GABBR2: variants seen among roughly 807,000 people sequenced by gnomAD.
The protein encoded by GABBR2 is G-protein coupled receptor 51.
In GABBR2, 23 loss-of-function variants were observed where a neutral mutation model predicts 105.6. That is an observed-to-expected ratio of 0.22 (90% confidence interval 0.16 to 0.31). GABBR2 has a LOEUF of 0.31. GABBR2 is among the 10% of genes least tolerant of loss of function. GABBR2 has a pLI of 1.00. For missense variants in GABBR2, 734 were observed against 1,245.5 expected (o/e 0.59, Z 6.18); for synonymous variants, 478 against 499.7 (o/e 0.96, Z 0.58).
In GABBR2 at chr9:98,636,316, G is replaced by C. The variant is rs533542392; in HGVS notation, c.322-58244C>G. On this transcript the variant is annotated intron_variant, in intron 1 of 18. Transcript: ENST00000259455. The stretch of plus-strand genomic sequence containing the variant: ...ACTCTCCCCCTGAGCCTCAGAGTCT[G>C]CCTATACTTTGCAGAGAGGGGCCCT... 2.6e-5 allele frequency among the ~76,000 whole-genome samples: 4 copies of C among 152,230 alleles called. No homozygotes were observed. The East Asian group carries it at 7.7e-4, about 29-fold the overall frequency.
chr9:98,333,953 G>A (rs1027154696), intron 13 of GABBR2, among the ~76,000 whole-genome samples: 2 of 152,188 alleles, frequency 1.3e-5, no homozygotes, highest in Admixed American at 6.5e-5. Context: ...TTCCCACATG[G>A]GGTTGTTGTG....
At chr9:98,495,421 G>T (rs62575969) in intron 4 of GABBR2, among the ~76,000 whole-genome samples, 18,508 of 152,224 alleles carry the variant, frequency 0.12, 1,871 homozygotes, top group East Asian at 0.53. Context: ...GGGCCTGAAG[G>T]AATGGAGGAG....
intron 4 of GABBR2, among the ~76,000 whole-genome samples, chr9:98,494,501 A>T (rs1394691593): frequency 2.0e-5 from 3 of 152,180 alleles, no homozygotes; most frequent in Admixed American, 2.0e-4. Context: ...ATCCTTTCTC[A>T]GAAGTACGTG....
chr9:98,480,564 G>C (rs1325771222), intron 5 of GABBR2, among the ~76,000 whole-genome samples: 2 of 152,184 alleles, frequency 1.3e-5, no homozygotes, highest in African/African-American at 4.8e-5. Context: ...ATCAATAGTT[G>C]ATAATTTGTC....
intron 2 of GABBR2, among the ~76,000 whole-genome samples, chr9:98,567,346 C>T (rs894908535): frequency 1.3e-5 from 2 of 152,160 alleles, no homozygotes; most frequent in African/African-American, 2.4e-5. Context: ...GATTGGGAAC[C>T]ACCCTGCCCT....
chr9:98,472,374 A>G (rs967089495), intron 6 of GABBR2, among the ~76,000 whole-genome samples: 2 of 152,228 alleles, frequency 1.3e-5, no homozygotes, highest in South Asian at 2.1e-4. Context: ...TAAGCAGGGC[A>G]GGAATTAGTA....
intron 10 of GABBR2, among the ~76,000 whole-genome samples, chr9:98,386,642 GC>G (rs1416692811): frequency 6.6e-6 from 1 of 152,042 alleles, no homozygotes; most frequent in Non-Finnish European, 1.5e-5. Flanking sequence ...TAGGTGCCTG[GC>G]CCCCCCAGCA....
chr9:98,692,343 A>G (rs1049598181), intron 1 of GABBR2, among the ~76,000 whole-genome samples: 3 of 152,118 alleles, frequency 2.0e-5, no homozygotes, highest in African/African-American at 7.2e-5. Flanking sequence ...AGCAGTATGG[A>G]TATTAGTCCA....
At chr9:98,688,411 A>ATATATAT (rs397737112) in intron 1 of GABBR2, among the ~76,000 whole-genome samples, 6 of 148,266 alleles carry the variant, frequency 4.0e-5, no homozygotes, top group Non-Finnish European at 6.0e-5. Flanking sequence ...ATATATATAT[A>ATATATAT]AAATCTCCAG....
At position 98,594,431 on chromosome 9, in the gene GABBR2, G is replaced by C. The variant is rs180723808; in HGVS notation, c.322-16359C>G. Among the ~76,000 whole-genome samples the C allele has an allele frequency of 1.7e-3, 258 of 152,308 alleles. 2 individuals are homozygous for C. The highest frequency in any genetic ancestry group is 5.4e-3 in the African/African-American group (226 of 41,564). On this transcript the variant is annotated intron_variant, in intron 1 of 18. Transcript: ENST00000259455. ...TAGGAAAGGGGGCAAAGGGGTTTCA[G>C]CTTGGAACCTTGCTAGACGGACAGA...
At chr9:98,310,524 A>G (rs1830619203) in intron 14 of GABBR2, among the ~76,000 whole-genome samples, 1 of 152,200 alleles carries the variant, frequency 6.6e-6, no homozygotes, top group Admixed American at 6.5e-5. Context: ...CTGGCATTGC[A>G]AGCATGAGCC....
Position 98,290,564 on chromosome 9 carries a change from C to CG in GABBR2, c.*19dup. Reference sequence around the variant, plus strand: ...TGTGGTTCTGTCACGGGGGAGGCCCCGGGCCCAGGCCTCCCACCCTTACAG... The same window carrying CG: ...TGTGGTTCTGTCACGGGGGAGGCCCCGGGGCCCAGGCCTCCCACCCTTACAG... On this transcript the variant is annotated 3_prime_UTR_variant, in exon 19 of 19. Coordinates refer to ENST00000259455, the MANE Select transcript of GABBR2 (RefSeq NM_005458.8). The CG allele has an allele frequency of 7.4e-7, 1 of 1,355,632 alleles. No individual in the cohort carries two copies. Among genetic ancestry groups the CG allele is most frequent in the Non-Finnish European group, 9.5e-7 (1 of 1,049,442 alleles). 84.0% of individuals were successfully genotyped at this position (1,355,632 alleles called of 1,614,324 possible).
chr9:98,599,360 G>C (rs752633172), intron 1 of GABBR2, among the ~76,000 whole-genome samples: 4 of 152,190 alleles, frequency 2.6e-5, no homozygotes, highest in African/African-American at 9.7e-5. Flanking sequence ...CAGGAGACTA[G>C]AGCAGCCCCC....
chr9:98,289,002 A>G lies in GABBR2; in HGVS notation c.*1582T>C, dbSNP rs1470916475. ...GCTCAGTTGTGCAGACATCCTGGAC[A>G]TTGTCATTCAGGCCTTTCTTGAGCA... is the stretch of plus-strand genomic sequence containing the variant. On this transcript the variant is annotated 3_prime_UTR_variant, in exon 19 of 19. Transcript: ENST00000259455. The G allele has an allele frequency of 6.6e-6, 1 of 152,644 alleles. No homozygotes were observed. The highest frequency in any genetic ancestry group is 6.5e-5 in the Admixed American group (1 of 15,280). The allele number at this position is 152,644 out of a possible 1,614,324, so 9.5% of individuals were successfully genotyped here. A position where few individuals can be genotyped will look rare whatever the true frequency, so the allele number is the denominator to read the frequency against.
intron 16 of GABBR2, among the ~76,000 whole-genome samples, chr9:98,301,616 G>T (rs1830471055): frequency 6.6e-6 from 1 of 152,170 alleles, no homozygotes. Context: ...GGATCAAAGG[G>T]TGGGGACAAC....
chr9:98,564,833 T>C (rs1487560718), intron 2 of GABBR2, among the ~76,000 whole-genome samples: 1 of 152,040 alleles, frequency 6.6e-6, no homozygotes, highest in Non-Finnish European at 1.5e-5. Context: ...TATTGAGGAA[T>C]GGGCAAAACA....
At chr9:98,470,722 A>G (rs184391309) in intron 6 of GABBR2, among the ~76,000 whole-genome samples, 9 of 152,206 alleles carry the variant, frequency 5.9e-5, no homozygotes, top group African/African-American at 2.2e-4. Context: ...GACTCACCTC[A>G]CTTTCCTCAC....
intron 13 of GABBR2, among the ~76,000 whole-genome samples, chr9:98,322,069 TCCC>T (rs1479996056): frequency 2.6e-5 from 4 of 151,902 alleles, no homozygotes; most frequent in African/African-American, 9.7e-5. Flanking sequence ...GCTGAATTGC[TCCC>T]CCATCATTTC....
At chr9:98,657,237 C>G (rs1231254052) in intron 1 of GABBR2, among the ~76,000 whole-genome samples, 1 of 152,196 alleles carries the variant, frequency 6.6e-6, no homozygotes, top group African/African-American at 2.4e-5. Flanking sequence ...TGACATTTAT[C>G]ATTGCGGTTG....
Sources: gnomAD v4.1 joint callset for allele counts (sites outside exome capture counted in the v4.1 genomes callset) on GRCh38, gnomAD v4.1.1 for gene constraint, MANE v1.5 for transcripts, NCBI Gene and HGNC (gene_info 2026-07-23, HGNC 2026-07-21) for gene names.